The following SLC25A48 variants were observed in gnomAD, a reference collection of about 807,000 sequenced individuals.
The protein encoded by SLC25A48 is solute carrier family 25 member 48, also known as CTC-321K16.1.
Under a neutral mutation model 32.2 loss-of-function variants are expected in SLC25A48, and 29 were observed. The ratio of observed to expected loss-of-function variants is 0.90; its 90% CI spans 0.67 to 1.23. The LOEUF (loss-of-function observed/expected upper bound fraction) is 1.23, where lower values mean the gene tolerates loss of function less well. Among genes scored for constraint, SLC25A48 ranks in the 50% most tolerant of loss-of-function variants. The pLI is 0.00. For synonymous variants in SLC25A48, 164 were observed against 172.3 expected, an observed-to-expected ratio of 0.95 and a Z score of 0.38; for missense variants, 399 against 422.7, an observed-to-expected ratio of 0.94 and a Z score of 0.49.
intron 3 of SLC25A48, among the ~76,000 whole-genome samples, chr5:135,796,491 T>C (rs923030154): frequency 2.0e-5 from 3 of 151,676 alleles, no homozygotes; most frequent in Non-Finnish European, 4.4e-5. Flanking sequence ...ACCCCTGTGA[T>C]ATCATTTGCA....
rs1026610584 is a variant in SLC25A48, at chr5:135,864,466, C to T, written c.422-6995C>T. On this transcript the variant is annotated intron_variant, in intron 4 of 7. Coordinates refer to ENST00000681962, the MANE Select transcript of SLC25A48 (RefSeq NM_001349336.2). ...GACACACAACCCTTAAAGATGAAAC[C>T]TTATGTAGAAAGGCAGGAACCCTTG... Among the ~76,000 whole-genome samples the T allele has an allele frequency of 5.3e-5, 8 of 152,096 alleles. No individual in the cohort carries two copies. In the East Asian group the frequency reaches 1.5e-3, roughly 29 times the overall value.
At chr5:135,620,129 A>G (rs752083531) in intron 1 of SLC25A48, among the ~76,000 whole-genome samples, 2 of 152,292 alleles carry the variant, frequency 1.3e-5, no homozygotes, top group Non-Finnish European at 2.9e-5. Context: ...TTATATTGGC[A>G]TAGTTCTGAC....
At chr5:135,799,546 C>A (rs1757270705) in intron 3 of SLC25A48, among the ~76,000 whole-genome samples, 2 of 151,392 alleles carry the variant, frequency 1.3e-5, no homozygotes, top group Non-Finnish European at 3.0e-5. Context: ...GATGTGTACA[C>A]CCCCCTGTTG....
intron 3 of SLC25A48, among the ~76,000 whole-genome samples, chr5:135,676,958 TC>T (rs1753786691): frequency 1.6e-5 from 1 of 63,538 alleles, no homozygotes; most frequent in African/African-American, 4.4e-5. Flanking sequence ...TCTGTAAATA[TC>T]TGTTATATCC....
chr5:135,585,068 A>G (rs985580799), intron 1 of SLC25A48, among the ~76,000 whole-genome samples: 2 of 152,244 alleles, frequency 1.3e-5, no homozygotes, highest in Admixed American at 1.3e-4. Context: ...TGTGCTGTGC[A>G]GGTGGCACTG....
At chr5:135,761,799 G>C (rs1051853028) in intron 3 of SLC25A48, among the ~76,000 whole-genome samples, 1 of 152,202 alleles carries the variant, frequency 6.6e-6, no homozygotes, top group Non-Finnish European at 1.5e-5. Context: ...GAAGAGGTGA[G>C]ACCTCACTGT....
chr5:135,708,808 G>C (rs1006218710), intron 3 of SLC25A48, among the ~76,000 whole-genome samples: 4 of 152,218 alleles, frequency 2.6e-5, no homozygotes, highest in Non-Finnish European at 5.9e-5. Flanking sequence ...ATTTGAGAGA[G>C]AGCGAGTGAG....
chr5:135,707,523 C>G (rs573631870), intron 3 of SLC25A48, among the ~76,000 whole-genome samples: 1 of 152,300 alleles, frequency 6.6e-6, no homozygotes, highest in African/African-American at 2.4e-5. Flanking sequence ...CCGCCGCCCC[C>G]GCCCTTGGGT....
At position 135,701,787 on chromosome 5, in the gene SLC25A48, C is replaced by T. The variant is rs955911106; in HGVS notation, c.-521+66831C>T. ...TATATGGAGTGTATCCTTGGGTGAA[C>T]TCGAGATGGAACCCAGCAAGATCAA... On this transcript the variant is annotated intron_variant, in intron 3 of 10. Coordinates refer to the SLC25A48 transcript ENST00000646290. Among the ~76,000 whole-genome samples the T allele has an allele frequency of 2.6e-5, 4 of 152,300 alleles. No individual in the cohort carries two copies. In the South Asian group the frequency reaches 8.3e-4, roughly 32 times the overall value.
chr5:135,801,664 A>C (rs1486743719), intron 3 of SLC25A48, among the ~76,000 whole-genome samples: 3 of 151,436 alleles, frequency 2.0e-5, no homozygotes, highest in African/African-American at 4.9e-5. Flanking sequence ...TCAATATCAC[A>C]GTGGGAATAC....
chr5:135,728,839 AATACACACACACACACACAC>A (rs1721339448), intron 3 of SLC25A48, among the ~76,000 whole-genome samples: 1 of 95,512 alleles, frequency 1.0e-5, no homozygotes, highest in South Asian at 3.4e-4. Context: ...CACATACACA[AATACACACACACACACACAC>A]ACACACACAC....
At chr5:135,774,781 A>G (rs975139647) in intron 3 of SLC25A48, among the ~76,000 whole-genome samples, 1 of 151,140 alleles carries the variant, frequency 6.6e-6, no homozygotes, top group Non-Finnish European at 1.5e-5. Context: ...TATCCAGAGG[A>G]GAAGAAGATG....
intron 3 of SLC25A48, among the ~76,000 whole-genome samples, chr5:135,759,644 C>T (rs1265983561): frequency 6.6e-6 from 1 of 152,072 alleles, no homozygotes; most frequent in East Asian, 1.9e-4. Context: ...CAATAGGGCC[C>T]TTGGTCCTCA....
At chr5:135,811,369 C>T (rs374020688) in intron 3 of SLC25A48, among the ~76,000 whole-genome samples, 18 of 152,188 alleles carry the variant, frequency 1.2e-4, no homozygotes, top group African/African-American at 3.6e-4. Flanking sequence ...CTAAAACAAT[C>T]GAATTCATAA....
At chr5:135,765,078 G>A (rs999550333) in intron 3 of SLC25A48, among the ~76,000 whole-genome samples, 2 of 151,742 alleles carry the variant, frequency 1.3e-5, no homozygotes, top group African/African-American at 4.8e-5. Flanking sequence ...GGGGAGAAAG[G>A]GTGATATTAC....
rs576337201 is a variant in SLC25A48, at chr5:135,751,360, A to G, written c.-520-61163A>G. ...CTAAGTTTATTTTGGCACTTGCTCC[A>G]TATGTCACTTCATGGACAGAGGCCC... On this transcript the variant is annotated intron_variant, in intron 3 of 10. Coordinates refer to the SLC25A48 transcript ENST00000646290. Among the ~76,000 whole-genome samples, 6 of 152,282 alleles carry G rather than the reference A, an allele frequency of 3.9e-5. No individual in the cohort carries two copies. In the South Asian group the frequency reaches 1.2e-3, roughly 32 times the overall value.
Position 135,742,588 on chromosome 5 carries a change from A to G in SLC25A48, c.-520-69935A>G, listed in dbSNP as rs935677696. The G allele has an allele frequency of 6.3e-5, 70 of 1,113,868 alleles. 1 individual carries two copies. The Middle Eastern group carries it at 1.4e-3, about 23-fold the overall frequency. 69.0% of individuals were successfully genotyped at this position (1,113,868 alleles called of 1,614,324 possible). ...TCATTTTCTCTTTGATTTCCTCTATAGCTGCAAAGAAAGCCAAAGTTTAGG... is the reference window on the plus strand; with the variant it reads ...TCATTTTCTCTTTGATTTCCTCTATGGCTGCAAAGAAAGCCAAAGTTTAGG... On this transcript the variant is annotated intron_variant, in intron 3 of 10. Coordinates refer to the SLC25A48 transcript ENST00000646290.
chr5:135,797,088 C>T (rs1403939332), intron 3 of SLC25A48, among the ~76,000 whole-genome samples: 6 of 151,556 alleles, frequency 4.0e-5, no homozygotes, highest in Non-Finnish European at 8.8e-5. Context: ...TCCTAATATG[C>T]GAAGGGGAAG....
Position 135,834,765 on chromosome 5 carries a change from C to A in SLC25A48, c.-83C>A. 2 of 1,426,148 alleles carry A rather than the reference C, an allele frequency of 1.4e-6. No homozygotes were observed. Among genetic ancestry groups the A allele is most frequent in the Non-Finnish European group, 1.9e-6 (2 of 1,066,568 alleles). The allele number at this position is 1,426,148 out of a possible 1,614,324, so 88.3% of individuals were successfully genotyped here. On this transcript the variant is annotated 5_prime_UTR_variant, in exon 1 of 8. Transcript: ENST00000681962. ...CGAGACTCCGACTTCGGTCTTGCGG[C>A]GCGCTCGCGCCCGCGGGCCATGCCC...
Sources: allele counts gnomAD v4.1 joint callset (sites outside exome capture counted in the v4.1 genomes callset), GRCh38; gene constraint gnomAD v4.1.1; transcripts MANE v1.5; gene names NCBI Gene and HGNC (gene_info 2026-07-23, HGNC 2026-07-21).